Variants in RNLS observed in about 807,000 individuals in gnomAD.
RNLS encodes the protein renalase, FAD dependent amine oxidase.
Under a neutral mutation model 39.8 loss-of-function variants are expected in RNLS, and 39 were observed. That is an observed-to-expected ratio of 0.98 (90% CI 0.76 to 1.28). The LOEUF (loss-of-function observed/expected upper bound fraction) is 1.28. RNLS is among the 50% of genes most tolerant of loss of function. The pLI is 0.00. For synonymous variants in RNLS, 147 were observed against 150.7 expected, an observed-to-expected ratio of 0.98 and a Z score of 0.18; for missense variants, 410 against 413.3, an observed-to-expected ratio of 0.99 and a Z score of 0.07.
chr10:88,372,961 GC>G (rs1850683545), intron 4 of RNLS, among the ~76,000 whole-genome samples: 1 of 151,996 alleles, frequency 6.6e-6, no homozygotes, highest in Non-Finnish European at 1.5e-5. Flanking sequence ...TTTCAGATGG[GC>G]AAGAACATGA....
intron 3 of RNLS, among the ~76,000 whole-genome samples, chr10:88,573,767 A>G (rs1849992721): frequency 6.6e-6 from 1 of 152,152 alleles, no homozygotes; most frequent in Admixed American, 6.6e-5. Context: ...CATGAGCTAC[A>G]AATTATACCT....
chr10:88,577,929 A>G (rs999969172), intron 3 of RNLS, among the ~76,000 whole-genome samples: 29 of 152,194 alleles, frequency 1.9e-4, no homozygotes, highest in Non-Finnish European at 3.1e-4. Context: ...TCCCAGACAA[A>G]TAATTGCCCT....
At chr10:88,366,200 A>G (rs1254813346) in intron 4 of RNLS, among the ~76,000 whole-genome samples, 2 of 152,136 alleles carry the variant, frequency 1.3e-5, no homozygotes, top group Non-Finnish European at 2.9e-5. Context: ...AGGCTATTTT[A>G]TATAGACTGT....
At chr10:88,294,263 C>T (rs1276516154) in intron 6 of RNLS, among the ~76,000 whole-genome samples, 3 of 152,044 alleles carry the variant, frequency 2.0e-5, no homozygotes, top group Non-Finnish European at 2.9e-5. Flanking sequence ...GAAGGAGAGA[C>T]CAGAACTTAT....
intron 4 of RNLS, among the ~76,000 whole-genome samples, chr10:88,508,235 C>T (rs967357940): frequency 2.0e-5 from 3 of 152,040 alleles, no homozygotes; most frequent in African/African-American, 4.8e-5. Context: ...ACCATAGCTT[C>T]GTGGTTATGA....
At chr10:88,582,379 G>A in intron 1 of RNLS, 72 bp from the exon 2 acceptor site, 7 of 1,179,664 alleles carry the variant, frequency 5.9e-6, no homozygotes, top group Non-Finnish European at 7.3e-6. Context: ...ATGCACCTTA[G>A]GTTACCCCAA....
At chr10:88,231,117 A>G in the RNLS span, among the ~76,000 whole-genome samples, 1 of 152,146 alleles carries the variant, frequency 6.6e-6, no homozygotes, top group East Asian at 1.9e-4. Context: ...GCTGAGCTTC[A>G]TCCCCTTCAA....
chr10:88,439,645 T>A (rs12241686), intron 4 of RNLS, among the ~76,000 whole-genome samples: 14,839 of 152,160 alleles, frequency 0.098, 899 homozygotes, highest in African/African-American at 0.17. Context: ...AGTTGGAAGA[T>A]CCCTTACAGG....
intron 4 of RNLS, among the ~76,000 whole-genome samples, chr10:88,443,494 C>A (rs577368373): frequency 1.3e-5 from 2 of 152,084 alleles, no homozygotes; most frequent in Non-Finnish European, 2.9e-5. Context: ...GCACACCGAG[C>A]GTGAGCCGAA....
chr10:88,241,921 G>A, the RNLS span, among the ~76,000 whole-genome samples: 1 of 152,070 alleles, frequency 6.6e-6, no homozygotes, highest in East Asian at 1.9e-4. Flanking sequence ...CTGTCTCTCT[G>A]TCTCTGTAAT....
the RNLS span, among the ~76,000 whole-genome samples, chr10:88,189,769 TA>T: frequency 6.6e-6 from 1 of 152,340 alleles, no homozygotes; most frequent in South Asian, 2.1e-4. Flanking sequence ...TCTTATCTCT[TA>T]ATGAATCTTT....
chr10:88,432,074 A>T (rs1855166278), intron 4 of RNLS, among the ~76,000 whole-genome samples: 1 of 151,502 alleles, frequency 6.6e-6, no homozygotes, highest in African/African-American at 2.4e-5. Flanking sequence ...ATTATTGTGG[A>T]TTTTGTCTAC....
At chr10:88,172,731 T>A in the RNLS span, among the ~76,000 whole-genome samples, 1 of 151,962 alleles carries the variant, frequency 6.6e-6, no homozygotes, top group Admixed American at 6.6e-5. Context: ...TTTGAAGTCT[T>A]ACTCATAAAA....
chr10:88,224,876 A>G, the RNLS span, among the ~76,000 whole-genome samples: 5 of 152,176 alleles, frequency 3.3e-5, no homozygotes, highest in African/African-American at 1.2e-4. Context: ...GTCTCATTTA[A>G]TCCCCAACCA....
chr10:88,189,523 G>A, the RNLS span, among the ~76,000 whole-genome samples: 1 of 152,146 alleles, frequency 6.6e-6, no homozygotes, highest in Non-Finnish European at 1.5e-5. Flanking sequence ...ATGAATCAGG[G>A]AGGGAGAGAG....
At chr10:88,250,793 C>G in the RNLS span, among the ~76,000 whole-genome samples, 1 of 152,208 alleles carries the variant, frequency 6.6e-6, no homozygotes, top group Non-Finnish European at 1.5e-5. Context: ...CAGATAACTT[C>G]ATTAACTCAA....
chr10:88,544,715 G>C (rs1589987696), intron 4 of RNLS, among the ~76,000 whole-genome samples: 1 of 152,174 alleles, frequency 6.6e-6, no homozygotes, highest in Non-Finnish European at 1.5e-5. Context: ...AACAAATATG[G>C]GTACCTGAAT....
At chr10:88,201,106 G>C in the RNLS span, among the ~76,000 whole-genome samples, 1 of 151,964 alleles carries the variant, frequency 6.6e-6, no homozygotes, top group Non-Finnish European at 1.5e-5. Flanking sequence ...TGGGTATGGA[G>C]AGCAGAGGCC....
At chr10:88,343,832 G>T in intron 5 of RNLS, 2 of 984,982 alleles carry the variant, frequency 2.0e-6, no homozygotes, top group South Asian at 4.7e-5. Flanking sequence ...AAACGAAAGG[G>T]TTTCAATAGT....
Sources: allele counts gnomAD v4.1 joint callset (sites outside exome capture counted in the v4.1 genomes callset), GRCh38; gene constraint gnomAD v4.1.1; transcripts MANE v1.5; gene names NCBI Gene and HGNC (gene_info 2026-07-23, HGNC 2026-07-21).